SNX9: variants seen among roughly 807,000 people sequenced by gnomAD.
SNX9 encodes the protein sorting nexin 9.
Under a neutral mutation model 89.4 loss-of-function variants are expected in SNX9, and 44 were observed. The ratio of observed to expected loss-of-function variants is 0.49; its 90% confidence interval spans 0.39 to 0.63. SNX9 has a LOEUF of 0.63. Ranked by LOEUF, SNX9 falls within the 30% of genes least tolerant of loss-of-function variation. The probability of loss-of-function intolerance (pLI) is 0.00; values close to 1 mark genes in which losing one functional copy is unlikely to be tolerated. For missense variants in SNX9, 578 were observed against 736.1 expected (o/e 0.79, Z 2.49); for synonymous variants, 236 against 247.8 (o/e 0.95, Z 0.45).
chr6:157,918,819 GATTAAT>G (rs936261486), intron 9 of SNX9, among the ~76,000 whole-genome samples: 22 of 151,874 alleles, frequency 1.4e-4, no homozygotes, highest in Non-Finnish European at 2.8e-4. Context: ...GTGCACTTTA[GATTAAT>G]ATTAATTCCA....
intron 1 of SNX9, 75 bp from the exon 2 acceptor site, chr6:157,867,472 G>GT: frequency 8.3e-7 from 1 of 1,207,182 alleles, no homozygotes. Context: ...CTTAGAAAGT[G>GT]AACTGTACAC....
intron 2 of SNX9, among the ~76,000 whole-genome samples, chr6:157,871,865 C>G (rs958704093): frequency 2.7e-5 from 4 of 150,424 alleles, no homozygotes; most frequent in Non-Finnish European, 4.4e-5. Context: ...TAACCTCTGC[C>G]TTCTGGGTTT....
At chr6:157,916,031 C>A (rs1369721304) in intron 9 of SNX9, among the ~76,000 whole-genome samples, 1 of 149,538 alleles carries the variant, frequency 6.7e-6, no homozygotes, top group Non-Finnish European at 1.5e-5. Context: ...GTTTTTTTGT[C>A]TTTTCTTTTT....
intron 4 of SNX9, among the ~76,000 whole-genome samples, chr6:157,892,004 T>C (rs1322052333): frequency 6.6e-6 from 1 of 151,980 alleles, no homozygotes; most frequent in Non-Finnish European, 1.5e-5. Flanking sequence ...CTAGGGGCAG[T>C]GAGTGCTAAT....
chr6:157,940,988 C>CA lies in SNX9; in HGVS notation c.1740+15dup, dbSNP rs2115224821. 2 of 1,611,760 alleles carry CA rather than the reference C, an allele frequency of 1.2e-6. No individual in the cohort carries two copies. Among genetic ancestry groups the CA allele is most frequent in the East Asian group, 4.5e-5 (2 of 44,872 alleles). On this transcript the variant is annotated intron_variant, in intron 17 of 17. Coordinates refer to ENST00000392185, the MANE Select transcript of SNX9 (RefSeq NM_016224.5). ...TTTTACGAAACGGTGAGTGGGCGTC[C>CA]ACGTGCCTTTCGCATGTGCTTGAGG...
intron 6 of SNX9, among the ~76,000 whole-genome samples, chr6:157,902,383 T>G (rs1441354872): frequency 6.6e-6 from 1 of 152,224 alleles, no homozygotes; most frequent in Non-Finnish European, 1.5e-5. Context: ...ACAACTCTCT[T>G]TTAAATGTTT....
intron 13 of SNX9, chr6:157,934,318 G>A (rs1399250959): frequency 6.6e-6 from 1 of 152,146 alleles, no homozygotes; most frequent in African/African-American, 2.4e-5. Flanking sequence ...GGGAAGGAGA[G>A]AGAGAGATGG....
intron 9 of SNX9, among the ~76,000 whole-genome samples, chr6:157,915,334 G>T (rs1783438333): frequency 1.3e-5 from 2 of 151,782 alleles, no homozygotes; most frequent in South Asian, 4.2e-4. Flanking sequence ...TAATCATGCT[G>T]GAATTTTTAT....
intron 1 of SNX9, among the ~76,000 whole-genome samples, chr6:157,855,216 A>G (rs763024802): frequency 2.6e-5 from 4 of 152,186 alleles, no homozygotes; most frequent in Non-Finnish European, 5.9e-5. Context: ...TCCACACCAG[A>G]AAAGTAAGCA....
chr6:157,878,394 G>C (rs1782558116), intron 4 of SNX9, among the ~76,000 whole-genome samples: 1 of 151,674 alleles, frequency 6.6e-6, no homozygotes, highest in Non-Finnish European at 1.5e-5. Context: ...ATAATAGACA[G>C]CATTTTTTTT....
intron 1 of SNX9, among the ~76,000 whole-genome samples, chr6:157,844,750 C>T (rs928756139): frequency 6.6e-6 from 1 of 151,600 alleles, no homozygotes; most frequent in Non-Finnish European, 1.5e-5. Flanking sequence ...CCCGCCACCA[C>T]GCCCGGCTAA....
chr6:157,937,850 T>A (rs1336039865), intron 15 of SNX9, among the ~76,000 whole-genome samples: 1 of 152,266 alleles, frequency 6.6e-6, no homozygotes, highest in Admixed American at 6.5e-5. Context: ...TGGTCTGTGA[T>A]CTTAACAGTC....
intron 4 of SNX9, among the ~76,000 whole-genome samples, chr6:157,893,346 G>T (rs527985456): frequency 1.3e-5 from 2 of 152,294 alleles, no homozygotes; most frequent in African/African-American, 4.8e-5. Flanking sequence ...TTGACATAGA[G>T]TAAAATAACA....
intron 9 of SNX9, among the ~76,000 whole-genome samples, chr6:157,913,449 C>T (rs1024384406): frequency 6.7e-6 from 1 of 150,302 alleles, no homozygotes; most frequent in Admixed American, 6.6e-5. Flanking sequence ...TAGGTGCACG[C>T]CACCATTGCC....
Position 157,883,657 on chromosome 6 carries a change from T to C in SNX9, c.300+8481T>C, listed in dbSNP as rs148710564. On this transcript the variant is annotated intron_variant, in intron 4 of 17. Coordinates refer to ENST00000392185, the MANE Select transcript of SNX9 (RefSeq NM_016224.5). Reference sequence around the variant, plus strand: ...ATTTGTCTCCAGGCAAACTGATGATTCTCCAAATATGTCCCATGCTGTCTC... The same window carrying C: ...ATTTGTCTCCAGGCAAACTGATGATCCTCCAAATATGTCCCATGCTGTCTC... Among the ~76,000 whole-genome samples, 302 of 152,344 alleles carry C rather than the reference T, an allele frequency of 2.0e-3. 1 individual carries two copies. The highest frequency in any genetic ancestry group is 0.01 in the Middle Eastern group (3 of 294).
rs964539537 is a variant in SNX9, at chr6:157,944,920, A to G, written c.*2082A>G. The stretch of plus-strand genomic sequence containing the variant: ...TTGATGCCTGGAAGATTCTCCTTCA[A>G]GTGGCAACATGGCATATATATCCTT... On this transcript the variant is annotated 3_prime_UTR_variant, in exon 18 of 18. Transcript: ENST00000392185. 7.9e-5 allele frequency: 12 copies of G among 152,258 alleles called. No homozygotes were observed. The highest frequency in any genetic ancestry group is 2.7e-4 in the African/African-American group (11 of 41,468). 9.4% of individuals were successfully genotyped at this position (152,258 alleles called of 1,614,324 possible).
intron 9 of SNX9, among the ~76,000 whole-genome samples, chr6:157,918,983 C>T (rs561815756): frequency 3.3e-5 from 5 of 152,090 alleles, no homozygotes; most frequent in African/African-American, 9.6e-5. Flanking sequence ...CTTTTAAAGA[C>T]ACTAAGGAAA....
intron 1 of SNX9, among the ~76,000 whole-genome samples, chr6:157,866,214 G>A (rs1782257692): frequency 2.0e-5 from 3 of 152,174 alleles, no homozygotes; most frequent in African/African-American, 7.2e-5. Flanking sequence ...ATCCTCTTGA[G>A]GAAGAGCCTG....
Position 157,901,921 on chromosome 6 carries a change from GA to G in SNX9, c.497del (p.Asp166ValfsTer36). ...GPATGDDDDW[D>X]EDWDGPKSSS... ...AGCAACTGGTGATGATGATGACTGG[GA>G]TGAAGACTGGGATGGGCCCAAATCC... is the stretch of plus-strand genomic sequence containing the variant. On this transcript the variant is annotated frameshift_variant, in exon 6 of 18. Transcript: ENST00000392185. LOFTEE classifies it high-confidence loss of function. 6.2e-7 allele frequency: 1 copy of G among 1,611,270 alleles called. No homozygotes were observed. The highest frequency in any genetic ancestry group is 8.5e-7 in the Non-Finnish European group (1 of 1,178,844).
Sources: allele counts gnomAD v4.1 joint callset (sites outside exome capture counted in the v4.1 genomes callset), GRCh38; gene constraint gnomAD v4.1.1; transcripts MANE v1.5; gene names NCBI Gene and HGNC (gene_info 2026-07-23, HGNC 2026-07-21).